HS2ST1: variants seen among roughly 807,000 people sequenced by gnomAD.
HS2ST1 encodes the protein heparan sulfate 2-O-sulfotransferase 1.
Under a neutral mutation model 42.9 loss-of-function variants are expected in HS2ST1, and 18 were observed. The ratio of observed to expected loss-of-function variants is 0.42; its 90% CI spans 0.29 to 0.62. HS2ST1 has a LOEUF of 0.62. Among genes scored for constraint, HS2ST1 ranks in the 20% least tolerant of loss-of-function variants. HS2ST1 has a pLI of 0.21. For missense variants in HS2ST1, 334 were observed against 433.8 expected (o/e 0.77, Z 2.04); for synonymous variants, 146 against 152.9 (o/e 0.95, Z 0.33).
chr1:87,073,690 A>G (rs1223424358), intron 2 of HS2ST1, among the ~76,000 whole-genome samples: 1 of 152,222 alleles, frequency 6.6e-6, no homozygotes, highest in Non-Finnish European at 1.5e-5. Flanking sequence ...TTTTAGATAA[A>G]CAGATGAATA....
At chr1:87,014,786 C>G (rs1478104957) in intron 1 of HS2ST1, among the ~76,000 whole-genome samples, 5 of 152,214 alleles carry the variant, frequency 3.3e-5, no homozygotes, top group African/African-American at 1.2e-4. Context: ...CAACCTTTGA[C>G]TCGTGTCACT....
At chr1:86,996,356 C>T (rs1034732547) in intron 1 of HS2ST1, among the ~76,000 whole-genome samples, 6 of 149,882 alleles carry the variant, frequency 4.0e-5, no homozygotes, top group Non-Finnish European at 7.4e-5. Context: ...GCAGGAGAAT[C>T]GCTTGAACCC....
intron 1 of HS2ST1, chr1:86,993,240 T>G: frequency 7.7e-7 from 1 of 1,292,920 alleles, no homozygotes; most frequent in Non-Finnish European, 1.1e-6. Context: ...CAACCATACT[T>G]AGAAATCTAA....
At chr1:86,962,522 G>A (rs1205936299) in intron 1 of HS2ST1, among the ~76,000 whole-genome samples, 1 of 152,030 alleles carries the variant, frequency 6.6e-6, no homozygotes, top group South Asian at 2.1e-4. Context: ...TTGTAGAATC[G>A]AGCCTCCCCT....
chr1:87,023,927 A>G (rs1426852644), intron 1 of HS2ST1, among the ~76,000 whole-genome samples: 1 of 152,190 alleles, frequency 6.6e-6, no homozygotes, highest in Admixed American at 6.5e-5. Context: ...CAACTGATGA[A>G]GAGCCATTGG....
At chr1:86,977,949 A>G (rs1398341370) in intron 1 of HS2ST1, among the ~76,000 whole-genome samples, 1 of 152,216 alleles carries the variant, frequency 6.6e-6, no homozygotes, top group Non-Finnish European at 1.5e-5. Context: ...CTGCATATAC[A>G]ATGGTGGTCC....
chr1:86,931,148 C>T (rs577915338), intron 1 of HS2ST1, among the ~76,000 whole-genome samples: 6 of 152,016 alleles, frequency 3.9e-5, no homozygotes, highest in Non-Finnish European at 8.8e-5. Flanking sequence ...ATGTACATGA[C>T]GTTGAATGTA....
intron 1 of HS2ST1, among the ~76,000 whole-genome samples, chr1:86,945,703 A>G (rs1437722817): frequency 6.6e-6 from 1 of 152,212 alleles, no homozygotes; most frequent in Non-Finnish European, 1.5e-5. Context: ...CATCGGAAGA[A>G]CTTCAAATAT....
At chr1:87,016,342 C>G (rs758798842) in intron 1 of HS2ST1, among the ~76,000 whole-genome samples, 1 of 152,148 alleles carries the variant, frequency 6.6e-6, no homozygotes, top group Non-Finnish European at 1.5e-5. Flanking sequence ...CATTAGAAAC[C>G]TGGATGGGAG....
chr1:86,993,657 C>G (rs895247524), intron 1 of HS2ST1, among the ~76,000 whole-genome samples: 6 of 152,052 alleles, frequency 3.9e-5, no homozygotes, highest in African/African-American at 1.4e-4. Context: ...TTGAGACATT[C>G]TCTTGAAAAC....
rs1399069406 is a variant in HS2ST1, at chr1:87,018,664, G to A, written c.125-54270G>A. On this transcript the variant is annotated intron_variant, in intron 1 of 6. Coordinates refer to ENST00000370550, the MANE Select transcript of HS2ST1 (RefSeq NM_012262.4). ...TATGTAGCACCACAGCATCTTCTGT[G>A]CCATCCAGTGAGCCATAGCTGTGAC... Among the ~76,000 whole-genome samples the A allele has an allele frequency of 2.0e-5, 3 of 152,146 alleles. No homozygotes were observed. The East Asian group carries it at 5.8e-4, about 29-fold the overall frequency.
At chr1:87,102,075 G>A (rs1652226543) in intron 5 of HS2ST1, among the ~76,000 whole-genome samples, 1 of 144,446 alleles carries the variant, frequency 6.9e-6, no homozygotes, top group African/African-American at 2.5e-5. Context: ...TATTATTTTT[G>A]AGACAAAGTT....
chr1:86,990,824 ATATATATATATATTTTTTTTTTT>A (rs1249671382), intron 1 of HS2ST1, among the ~76,000 whole-genome samples: 1 of 16,748 alleles, frequency 6.0e-5, no homozygotes, highest in African/African-American at 9.2e-5. Flanking sequence ...ATATATATAT[ATATATATATATATTTTTTTTTTT>A]TTTTTTTTTT....
At chr1:87,101,661 C>A (rs1169650615) in intron 5 of HS2ST1, among the ~76,000 whole-genome samples, 1 of 152,174 alleles carries the variant, frequency 6.6e-6, no homozygotes, top group African/African-American at 2.4e-5. Context: ...TTAAACCAGT[C>A]TCGACTTAAG....
At position 87,108,222 on chromosome 1, in the gene HS2ST1, G is replaced by A. The variant is rs1652371880; in HGVS notation, c.*3526G>A. On this transcript the variant is annotated 3_prime_UTR_variant, in exon 7 of 7. Coordinates refer to ENST00000370550, the MANE Select transcript of HS2ST1 (RefSeq NM_012262.4). ...GTGCTAGAGAATTTAACTAAAAGCTGGTTCCCAAATGCATAGCTGGCATTT... is the reference window on the plus strand; with the variant it reads ...GTGCTAGAGAATTTAACTAAAAGCTAGTTCCCAAATGCATAGCTGGCATTT... 1 of 152,040 alleles carries A rather than the reference G, an allele frequency of 6.6e-6. No homozygotes were observed. Among genetic ancestry groups the A allele is most frequent in the Non-Finnish European group, 1.5e-5 (1 of 67,948 alleles). The allele number at this position is 152,040 out of a possible 1,614,324, so 9.4% of individuals were successfully genotyped here. A position where few individuals can be genotyped will look rare whatever the true frequency, so the allele number is the denominator to read the frequency against.
chr1:87,052,621 G>A (rs566699957), intron 1 of HS2ST1, among the ~76,000 whole-genome samples: 12 of 152,288 alleles, frequency 7.9e-5, no homozygotes, highest in Non-Finnish European at 1.2e-4. Flanking sequence ...CTTAGGAGAC[G>A]TAGTGGTTGG....
At chr1:86,954,271 C>A (rs1237503246) in intron 1 of HS2ST1, among the ~76,000 whole-genome samples, 1 of 151,940 alleles carries the variant, frequency 6.6e-6, no homozygotes, top group African/African-American at 2.4e-5. Flanking sequence ...ATCACTTGAA[C>A]CCGGGAGGCA....
intron 1 of HS2ST1, among the ~76,000 whole-genome samples, chr1:86,954,155 G>A (rs1473808887): frequency 1.3e-5 from 2 of 150,530 alleles, no homozygotes; most frequent in Non-Finnish European, 3.0e-5. Flanking sequence ...TTTGAGACCA[G>A]CCTGGCCAAC....
At chr1:86,950,881 C>T (rs1163294445) in intron 1 of HS2ST1, among the ~76,000 whole-genome samples, 1 of 152,072 alleles carries the variant, frequency 6.6e-6, no homozygotes, top group Non-Finnish European at 1.5e-5. Context: ...GTCTGCTTAG[C>T]AGACAGTTCC....
Sources: allele counts gnomAD v4.1 joint callset (sites outside exome capture counted in the v4.1 genomes callset), GRCh38; gene constraint gnomAD v4.1.1; transcripts MANE v1.5; gene names NCBI Gene and HGNC (gene_info 2026-07-23, HGNC 2026-07-21).